The following CTNND2 variants were observed in gnomAD, a reference collection of about 807,000 sequenced individuals.
The protein encoded by CTNND2 is catenin delta-2.
Under a neutral mutation model 144.4 loss-of-function variants are expected in CTNND2, and 22 were observed. The observed-to-expected ratio is 0.15, with a 90% confidence interval of 0.11 to 0.22. The LOEUF (loss-of-function observed/expected upper bound fraction) is 0.22, where lower values mean the gene tolerates loss of function less well. CTNND2 is among the 10% of genes least tolerant of loss of function. The probability of loss-of-function intolerance (pLI) is 1.00; values close to 1 mark genes in which losing one functional copy is unlikely to be tolerated. For missense variants in CTNND2, 1,353 were observed against 1,618.8 expected, an observed-to-expected ratio of 0.84 and a Z score of 2.82; for synonymous variants, 751 against 695.6, an observed-to-expected ratio of 1.08 and a Z score of -1.25.
intron 1 of CTNND2, among the ~76,000 whole-genome samples, chr5:11,780,382 T>C (rs1790481999): frequency 6.6e-6 from 1 of 152,138 alleles, no homozygotes; most frequent in Non-Finnish European, 1.5e-5. Context: ...TCATCCTCTA[T>C]TCCACGTGCT....
intron 1 of CTNND2, among the ~76,000 whole-genome samples, chr5:11,835,384 G>T (rs1011583977): frequency 6.6e-5 from 10 of 152,190 alleles, no homozygotes; most frequent in Admixed American, 5.9e-4. Context: ...CAGGATTGTT[G>T]TTATTTCATC....
At chr5:11,461,308 A>C (rs972299177) in intron 3 of CTNND2, among the ~76,000 whole-genome samples, 1 of 152,124 alleles carries the variant, frequency 6.6e-6, no homozygotes, top group African/African-American at 2.4e-5. Context: ...ATGCATGCAG[A>C]ATGCCGAGAG....
chr5:11,470,261 C>T (rs963865766), intron 3 of CTNND2, among the ~76,000 whole-genome samples: 7 of 152,078 alleles, frequency 4.6e-5, no homozygotes, highest in Non-Finnish European at 1.0e-4. Flanking sequence ...CATGGAGAAA[C>T]CTCATCTCCA....
At chr5:11,080,082 G>C (rs1749389823) in intron 16 of CTNND2, among the ~76,000 whole-genome samples, 1 of 152,046 alleles carries the variant, frequency 6.6e-6, no homozygotes. Flanking sequence ...ATATAATTAT[G>C]GGTTGATATC....
intron 16 of CTNND2, among the ~76,000 whole-genome samples, chr5:11,045,785 C>A (rs1169894875): frequency 1.3e-5 from 2 of 152,156 alleles, no homozygotes; most frequent in East Asian, 3.9e-4. Flanking sequence ...ATTCTGGGGA[C>A]TTAGACTTGG....
intron 21 of CTNND2, among the ~76,000 whole-genome samples, chr5:10,974,624 T>TA (rs1736223563): frequency 6.6e-6 from 1 of 152,160 alleles, no homozygotes; most frequent in Admixed American, 6.5e-5. Context: ...AGCAAGTGCA[T>TA]ACCGGGATGC....
intron 18 of CTNND2, among the ~76,000 whole-genome samples, chr5:10,995,804 CAG>C (rs1295123684): frequency 6.6e-6 from 1 of 152,154 alleles, no homozygotes; most frequent in African/African-American, 2.4e-5. Context: ...CCCACAGAAA[CAG>C]ACTGTGGCCA....
intron 11 of CTNND2, among the ~76,000 whole-genome samples, chr5:11,170,569 T>TAC (rs1759799039): frequency 1.3e-5 from 2 of 151,466 alleles, no homozygotes; most frequent in Non-Finnish European, 2.9e-5. Flanking sequence ...AAAACACACA[T>TAC]ACACACACAT....
chr5:11,486,260 A>G (rs1279930306), intron 3 of CTNND2, among the ~76,000 whole-genome samples: 1 of 152,216 alleles, frequency 6.6e-6, no homozygotes, highest in Non-Finnish European at 1.5e-5. Flanking sequence ...ACACTAGGTG[A>G]TAATATCCAG....
At chr5:11,165,848 T>C (rs1250210407) in intron 11 of CTNND2, among the ~76,000 whole-genome samples, 5 of 152,212 alleles carry the variant, frequency 3.3e-5, no homozygotes, top group Non-Finnish European at 5.9e-5. Context: ...TAGTTTCTTT[T>C]TACTGAAAGA....
chr5:11,455,880 A>C (rs1470162576), intron 3 of CTNND2, among the ~76,000 whole-genome samples: 1 of 152,204 alleles, frequency 6.6e-6, no homozygotes, highest in Non-Finnish European at 1.5e-5. Flanking sequence ...GCCTTTGAGA[A>C]ATAACACAAG....
chr5:11,199,142 T>C (rs935936682), intron 11 of CTNND2, among the ~76,000 whole-genome samples: 3 of 152,232 alleles, frequency 2.0e-5, no homozygotes, highest in African/African-American at 7.2e-5. Flanking sequence ...TTATTATTAA[T>C]GCTATTCTAA....
At chr5:11,530,754 C>T (rs1241479354) in intron 3 of CTNND2, among the ~76,000 whole-genome samples, 4 of 152,196 alleles carry the variant, frequency 2.6e-5, no homozygotes, top group South Asian at 2.1e-4. Flanking sequence ...TCTACAACTA[C>T]GTGTTTCTAG....
At chr5:11,470,052 A>G (rs970929191) in intron 3 of CTNND2, among the ~76,000 whole-genome samples, 4 of 152,212 alleles carry the variant, frequency 2.6e-5, no homozygotes, top group African/African-American at 4.8e-5. Flanking sequence ...TACAGCATAT[A>G]ATAATTCTAT....
chr5:11,427,935 G>A (rs1462742651), intron 3 of CTNND2, among the ~76,000 whole-genome samples: 3 of 152,134 alleles, frequency 2.0e-5, no homozygotes, highest in Admixed American at 2.0e-4. Flanking sequence ...CACATGGCTG[G>A]GGAGGCCTCA....
chr5:11,064,337 G>C (rs1329039786), intron 16 of CTNND2, among the ~76,000 whole-genome samples: 1 of 152,044 alleles, frequency 6.6e-6, no homozygotes, highest in African/African-American at 2.4e-5. Context: ...GCAGAGACTA[G>C]CATCTAGTCA....
intron 16 of CTNND2, among the ~76,000 whole-genome samples, chr5:11,055,488 C>T (rs1051099985): frequency 3.3e-5 from 5 of 152,180 alleles, no homozygotes; most frequent in African/African-American, 1.2e-4. Flanking sequence ...TCCACCCTTC[C>T]CCTATTAAGC....
chr5:11,224,696 G>C (rs2149873144), intron 10 of CTNND2, among the ~76,000 whole-genome samples: 1 of 152,194 alleles, frequency 6.6e-6, no homozygotes, highest in East Asian at 1.9e-4. Flanking sequence ...TGTGGCTCCT[G>C]GACTCTTCCA....
Position 11,110,791 on chromosome 5 carries a change from T to C in CTNND2, c.2463+67A>G. 2.8e-6 allele frequency: 4 copies of C among 1,418,002 alleles called. No homozygotes were observed. The Admixed American group carries it at 5.5e-5, about 19-fold the overall frequency. The allele number at this position is 1,418,002 out of a possible 1,614,324, so 87.8% of individuals were successfully genotyped here. A position where few individuals can be genotyped will look rare whatever the true frequency, so the allele number is the denominator to read the frequency against. The stretch of plus-strand genomic sequence containing the variant: ...AATGCAGGGCTCATTCTCTATATAT[T>C]GAGGATATATTACAGTTGCAATTAG... On this transcript the variant is annotated intron_variant, in intron 14 of 21. Coordinates refer to ENST00000304623, the MANE Select transcript of CTNND2 (RefSeq NM_001332.4).
Sources: allele counts gnomAD v4.1 joint callset (sites outside exome capture counted in the v4.1 genomes callset), GRCh38; gene constraint gnomAD v4.1.1; transcripts MANE v1.5; gene names NCBI Gene and HGNC (gene_info 2026-07-23, HGNC 2026-07-21).